CNTN5: variants seen among roughly 807,000 people sequenced by gnomAD.
CNTN5 encodes contactin-5.
CNTN5 carries 77 observed loss-of-function variants against 129.1 expected under a neutral mutation model. The ratio of observed to expected loss-of-function variants is 0.60; its 90% confidence interval spans 0.50 to 0.72. CNTN5 has a LOEUF of 0.72. Ranked by LOEUF, CNTN5 falls within the 30% of genes least tolerant of loss-of-function variation. The pLI is 0.00. For synonymous variants in CNTN5, 509 were observed against 465.6 expected (o/e 1.09, Z -1.20); for missense variants, 1,478 against 1,328.8 (o/e 1.11, Z -1.75).
At chr11:100,017,437 T>C (rs1363141275) in intron 9 of CNTN5, among the ~76,000 whole-genome samples, 1 of 151,992 alleles carries the variant, frequency 6.6e-6, no homozygotes, top group East Asian at 1.9e-4. Context: ...TGGCAGTGTT[T>C]TCTTTCTTAG....
At chr11:100,131,035 TCC>T (rs1946359011) in intron 13 of CNTN5, among the ~76,000 whole-genome samples, 1 of 152,118 alleles carries the variant, frequency 6.6e-6, no homozygotes, top group Non-Finnish European at 1.5e-5. Context: ...CTAAGGGGTC[TCC>T]CTGAAATTCA....
At chr11:99,208,648 T>C (rs569375747) in intron 1 of CNTN5, among the ~76,000 whole-genome samples, 192 of 152,276 alleles carry the variant, frequency 1.3e-3, no homozygotes, top group African/African-American at 4.5e-3. Context: ...AAGTCAGAAT[T>C]ATTTTGTTTA....
chr11:99,771,312 G>A (rs960653431), intron 3 of CNTN5, among the ~76,000 whole-genome samples: 9 of 151,988 alleles, frequency 5.9e-5, no homozygotes, highest in African/African-American at 9.6e-5. Flanking sequence ...CAAAGACACC[G>A]AAATAACCTA....
intron 9 of CNTN5, among the ~76,000 whole-genome samples, chr11:100,011,731 TTC>T (rs1940545100): frequency 6.6e-6 from 1 of 152,172 alleles, no homozygotes; most frequent in African/African-American, 2.4e-5. Flanking sequence ...AAGTATTTTT[TTC>T]TCTTTTTATA....
intron 2 of CNTN5, among the ~76,000 whole-genome samples, chr11:99,491,152 T>G (rs560888975): frequency 6.6e-6 from 1 of 152,136 alleles, no homozygotes; most frequent in African/African-American, 2.4e-5. Flanking sequence ...GAAGGGGATA[T>G]TGGGGATACA....
chr11:99,999,576 A>G (rs896786448), intron 8 of CNTN5, among the ~76,000 whole-genome samples: 27 of 152,244 alleles, frequency 1.8e-4, no homozygotes, highest in Non-Finnish European at 3.7e-4. Flanking sequence ...AAACTAGTTC[A>G]ACCATTGTGG....
intron 1 of CNTN5, among the ~76,000 whole-genome samples, chr11:99,145,761 GA>G (rs552835951): frequency 1.2e-3 from 176 of 152,180 alleles, no homozygotes; most frequent in Middle Eastern, 3.4e-3. Flanking sequence ...AGACCATAGA[GA>G]TAGTTCTTCC....
chr11:99,858,788 C>G (rs888458570), intron 6 of CNTN5, among the ~76,000 whole-genome samples: 14 of 151,056 alleles, frequency 9.3e-5, no homozygotes, highest in Admixed American at 7.9e-4. Flanking sequence ...AATATTATTA[C>G]CAACTTGCAC....
At chr11:100,350,584 T>A (rs1202563948) in intron 23 of CNTN5, 118 bp from the exon 24 acceptor site, 1 of 652,162 alleles carries the variant, frequency 1.5e-6, no homozygotes, top group Non-Finnish European at 2.5e-6. Flanking sequence ...CATTTGCTTA[T>A]GTATCTGTCT....
chr11:100,082,365 T>G (rs1944398874), intron 13 of CNTN5, among the ~76,000 whole-genome samples: 1 of 152,150 alleles, frequency 6.6e-6, no homozygotes, highest in Non-Finnish European at 1.5e-5. Context: ...CACTGCAACC[T>G]CGACCTTCCA....
intron 6 of CNTN5, among the ~76,000 whole-genome samples, chr11:99,869,678 C>A (rs1200985779): frequency 1.3e-5 from 2 of 152,014 alleles, no homozygotes; most frequent in Non-Finnish European, 2.9e-5. Flanking sequence ...TCTGACAGGC[C>A]AAAATATGAA....
intron 2 of CNTN5, among the ~76,000 whole-genome samples, chr11:99,336,185 T>C (rs997125148): frequency 6.6e-6 from 1 of 152,176 alleles, no homozygotes; most frequent in Non-Finnish European, 1.5e-5. Flanking sequence ...GTCAAAAATA[T>C]CAATCAAATT....
chr11:99,740,156 A>G (rs1231042698), intron 3 of CNTN5, among the ~76,000 whole-genome samples: 1 of 152,184 alleles, frequency 6.6e-6, no homozygotes, highest in Non-Finnish European at 1.5e-5. Flanking sequence ...TAACCAAAAG[A>G]AAATAGTTTT....
chr11:99,827,263 T>C (rs1020709898), intron 4 of CNTN5, among the ~76,000 whole-genome samples: 11 of 151,938 alleles, frequency 7.2e-5, no homozygotes, highest in Non-Finnish European at 1.3e-4. Flanking sequence ...AATTTTTGTG[T>C]TTTTTGGTAG....
chr11:100,099,008 A>C (rs554735587), intron 13 of CNTN5, among the ~76,000 whole-genome samples: 1 of 152,210 alleles, frequency 6.6e-6, no homozygotes, highest in South Asian at 2.1e-4. Context: ...TCCAGATTAA[A>C]GGGCGGGAAA....
intron 3 of CNTN5, among the ~76,000 whole-genome samples, chr11:99,777,043 C>T (rs1945148367): frequency 6.6e-6 from 1 of 151,756 alleles, no homozygotes; most frequent in Non-Finnish European, 1.5e-5. Context: ...TTACAATGTT[C>T]TTCTTCAGTG....
At chr11:99,929,358 C>A (rs573146388) in intron 7 of CNTN5, among the ~76,000 whole-genome samples, 1 of 152,172 alleles carries the variant, frequency 6.6e-6, no homozygotes, top group African/African-American at 2.4e-5. Flanking sequence ...GCCTGTTACC[C>A]AGTTGCAAAT....
intron 13 of CNTN5, among the ~76,000 whole-genome samples, chr11:100,162,023 G>C (rs969634241): frequency 6.6e-6 from 1 of 151,682 alleles, no homozygotes; most frequent in Non-Finnish European, 1.5e-5. Flanking sequence ...ATGGAGGAGT[G>C]AGGCCAGCAG....
At chr11:100,019,275 T>A (rs1396346048) in intron 9 of CNTN5, among the ~76,000 whole-genome samples, 1 of 151,962 alleles carries the variant, frequency 6.6e-6, no homozygotes, top group African/African-American at 2.4e-5. Flanking sequence ...TATAGTTTTA[T>A]GTTTTCCATT....
Sources: gnomAD v4.1 joint callset for allele counts (sites outside exome capture counted in the v4.1 genomes callset) on GRCh38, gnomAD v4.1.1 for gene constraint, MANE v1.5 for transcripts, NCBI Gene and HGNC (gene_info 2026-07-23, HGNC 2026-07-21) for gene names.